Variants in AGBL4 observed in about 807,000 individuals in gnomAD.
AGBL4 encodes the protein cytosolic carboxypeptidase 6.
AGBL4 carries 58 observed loss-of-function variants against 66.4 expected under a neutral mutation model. That is an observed-to-expected ratio of 0.87 (90% CI 0.71 to 1.09). AGBL4 has a LOEUF of 1.09. Among genes scored for constraint, AGBL4 ranks in the 50% least tolerant of loss-of-function variants. The pLI is 0.00. For missense variants in AGBL4, 579 were observed against 631.0 expected (o/e 0.92, Z 0.88); for synonymous variants, 234 against 222.9 (o/e 1.05, Z -0.44).
chr1:49,504,284 G>A (rs770863248), intron 3 of AGBL4, among the ~76,000 whole-genome samples: 1 of 152,118 alleles, frequency 6.6e-6, no homozygotes, highest in Non-Finnish European at 1.5e-5. Flanking sequence ...ATGCAGAACT[G>A]TGAGTCAATT....
At chr1:49,853,363 T>C (rs1244216343) in intron 1 of AGBL4, among the ~76,000 whole-genome samples, 2 of 152,140 alleles carry the variant, frequency 1.3e-5, no homozygotes, top group African/African-American at 4.8e-5. Flanking sequence ...ATGCCTTTAA[T>C]GCATTCATCA....
At chr1:48,784,970 A>G (rs1451408301) in intron 6 of AGBL4, among the ~76,000 whole-genome samples, 1 of 152,208 alleles carries the variant, frequency 6.6e-6, no homozygotes, top group Admixed American at 6.5e-5. Context: ...GAAAAATGCA[A>G]CTCGCTTCTT....
chr1:49,155,669 C>T (rs1646416091), intron 4 of AGBL4, among the ~76,000 whole-genome samples: 1 of 152,104 alleles, frequency 6.6e-6, no homozygotes, highest in Non-Finnish European at 1.5e-5. Flanking sequence ...AGTAAGATGT[C>T]AGGGGGCATC....
intron 8 of AGBL4, among the ~76,000 whole-genome samples, chr1:48,639,168 G>A (rs548880081): frequency 5.3e-4 from 81 of 152,320 alleles, no homozygotes; most frequent in South Asian, 2.3e-3. Context: ...TGATTCACAG[G>A]CATCTTCAAT....
At chr1:49,908,520 C>A (rs1369196288) in intron 1 of AGBL4, among the ~76,000 whole-genome samples, 1 of 152,172 alleles carries the variant, frequency 6.6e-6, no homozygotes, top group Admixed American at 6.6e-5. Context: ...AGTCCCTCAC[C>A]AGAAGCAGAT....
chr1:49,693,199 T>C (rs1646922198), intron 3 of AGBL4, among the ~76,000 whole-genome samples: 1 of 152,208 alleles, frequency 6.6e-6, no homozygotes, highest in Admixed American at 6.5e-5. Flanking sequence ...ATAAACTTTC[T>C]GGCATCAATT....
At chr1:49,874,925 C>T (rs1176275921) in intron 1 of AGBL4, among the ~76,000 whole-genome samples, 3 of 149,364 alleles carry the variant, frequency 2.0e-5, no homozygotes, top group Admixed American at 1.3e-4. Flanking sequence ...GCTGCACCCA[C>T]TAACTTGTCA....
rs149386987 is a variant in AGBL4 at position 49,395,533 on chromosome 1, A to AGTGTGTGT, written c.283-149677_283-149670dup. On this transcript the variant is annotated intron_variant, in intron 3 of 13. Coordinates refer to ENST00000371839, the MANE Select transcript of AGBL4 (RefSeq NM_032785.4). ...TAATGTTAAAATTTTGCCAAACACT[A>AGTGTGTGT]GTGTGTGTGTGTGTGTGTGTGTGTG... is the stretch of plus-strand genomic sequence containing the variant. 2.2e-3 allele frequency among the ~76,000 whole-genome samples: 309 copies of AGTGTGTGT among 139,400 alleles called. 2 individuals carry two copies. The highest frequency in any genetic ancestry group is 6.9e-3 in the South Asian group (30 of 4,334). The allele number at this position is 139,400 out of a possible 152,430, so 91.5% of individuals were successfully genotyped here.
At chr1:49,380,827 C>T (rs1199849384) in intron 3 of AGBL4, among the ~76,000 whole-genome samples, 5 of 152,120 alleles carry the variant, frequency 3.3e-5, no homozygotes, top group African/African-American at 4.8e-5. Context: ...TTCCTTACAC[C>T]TTATACAAAA....
chr1:49,253,349 A>T (rs1652220942), intron 3 of AGBL4, among the ~76,000 whole-genome samples: 1 of 152,198 alleles, frequency 6.6e-6, no homozygotes, highest in South Asian at 2.1e-4. Flanking sequence ...CAACAAGAAG[A>T]TCTAACTATC....
At chr1:49,414,092 A>G (rs1048408687) in intron 3 of AGBL4, among the ~76,000 whole-genome samples, 2 of 152,154 alleles carry the variant, frequency 1.3e-5, no homozygotes, top group Non-Finnish European at 2.9e-5. Flanking sequence ...AGGTGAAGAA[A>G]TTATCCTTAA....
chr1:49,068,865 T>C (rs1296571125), intron 4 of AGBL4, among the ~76,000 whole-genome samples: 2 of 152,220 alleles, frequency 1.3e-5, no homozygotes, highest in African/African-American at 4.8e-5. Flanking sequence ...AAAGTGTTCC[T>C]ATTTCTCTAC....
intron 4 of AGBL4, among the ~76,000 whole-genome samples, chr1:49,201,305 C>T (rs1283961347): frequency 6.6e-6 from 1 of 152,100 alleles, no homozygotes; most frequent in Non-Finnish European, 1.5e-5. Context: ...GGCTGGAGTT[C>T]ATTTTATTCC....
intron 4 of AGBL4, among the ~76,000 whole-genome samples, chr1:49,228,378 A>C (rs1650064647): frequency 6.6e-6 from 1 of 152,208 alleles, no homozygotes; most frequent in Non-Finnish European, 1.5e-5. Flanking sequence ...TGATAAGGCT[A>C]TAACAAATGA....
chr1:48,597,630 T>C (rs79147315), intron 9 of AGBL4, among the ~76,000 whole-genome samples: 9,076 of 141,928 alleles, frequency 0.064, 319 homozygotes, highest in African/African-American at 0.11. Flanking sequence ...GAAATGGAGA[T>C]AAAGATTTTC....
chr1:49,150,819 C>G (rs1433019689), intron 4 of AGBL4, among the ~76,000 whole-genome samples: 1 of 152,146 alleles, frequency 6.6e-6, no homozygotes, highest in Non-Finnish European at 1.5e-5. Flanking sequence ...TCTTATCACT[C>G]TACATGTAAC....
At chr1:49,076,256 C>T (rs1253344839) in intron 4 of AGBL4, among the ~76,000 whole-genome samples, 1 of 152,112 alleles carries the variant, frequency 6.6e-6, no homozygotes, top group Non-Finnish European at 1.5e-5. Flanking sequence ...GCTCAAGTCC[C>T]TTATAGAAAA....
intron 4 of AGBL4, among the ~76,000 whole-genome samples, chr1:49,119,891 A>G (rs556914877): frequency 6.6e-6 from 1 of 152,296 alleles, no homozygotes; most frequent in South Asian, 2.1e-4. Context: ...TATTTAGGAT[A>G]GTTAGCTCTT....
chr1:49,538,588 A>C (rs1391485639), intron 3 of AGBL4, among the ~76,000 whole-genome samples: 1 of 152,248 alleles, frequency 6.6e-6, no homozygotes, highest in Non-Finnish European at 1.5e-5. Flanking sequence ...TTTGGAAAAA[A>C]ATACACACAA....
Sources: allele counts gnomAD v4.1 joint callset (sites outside exome capture counted in the v4.1 genomes callset), GRCh38; gene constraint gnomAD v4.1.1; transcripts MANE v1.5; gene names NCBI Gene and HGNC (gene_info 2026-07-23, HGNC 2026-07-21).